IL15: variants seen among roughly 807,000 people sequenced by gnomAD.
The protein encoded by IL15 is interleukin-15.
A neutral mutation model predicts 19.6 loss-of-function variants in IL15; 11 were observed. The ratio of observed to expected loss-of-function variants is 0.56; its 90% confidence interval spans 0.35 to 0.93. IL15 has a LOEUF of 0.93. IL15 is among the 40% of genes least tolerant of loss of function. The probability of loss-of-function intolerance (pLI) is 0.01; values close to 1 mark genes in which losing one functional copy is unlikely to be tolerated. For synonymous variants in IL15, 58 were observed against 59.6 expected, an observed-to-expected ratio of 0.97 and a Z score of 0.12; for missense variants, 197 against 186.5, an observed-to-expected ratio of 1.06 and a Z score of -0.33.
chr4:141,678,186 G>A (rs150936056), intron 2 of IL15, among the ~76,000 whole-genome samples: 319 of 152,254 alleles, frequency 2.1e-3, no homozygotes, highest in African/African-American at 7.3e-3. Flanking sequence ...AAATGCATAC[G>A]TTAGGTTTTG....
chr4:141,676,653 G>C (rs1728360069), intron 2 of IL15, among the ~76,000 whole-genome samples: 1 of 152,152 alleles, frequency 6.6e-6, no homozygotes, highest in African/African-American at 2.4e-5. Context: ...AAGCCATGAA[G>C]GCCATTAGCC....
chr4:141,667,620 C>G (rs1445178304), intron 2 of IL15, among the ~76,000 whole-genome samples: 6 of 151,878 alleles, frequency 4.0e-5, no homozygotes, highest in Admixed American at 1.3e-4. Flanking sequence ...TCTTGTCTGG[C>G]CAGCAAGATT....
intron 2 of IL15, among the ~76,000 whole-genome samples, chr4:141,684,501 C>A (rs750634086): frequency 2.6e-5 from 4 of 152,168 alleles, no homozygotes; most frequent in African/African-American, 9.7e-5. Context: ...CAGATTCCTC[C>A]GTTTGGCTTT....
chr4:141,673,555 A>G (rs1195364548), intron 2 of IL15, among the ~76,000 whole-genome samples: 1 of 152,182 alleles, frequency 6.6e-6, no homozygotes, highest in Non-Finnish European at 1.5e-5. Flanking sequence ...TACCCTCTGA[A>G]ACAATAATGA....
chr4:141,702,389 A>T (rs909846651), intron 2 of IL15, among the ~76,000 whole-genome samples: 1 of 152,178 alleles, frequency 6.6e-6, no homozygotes, highest in African/African-American at 2.4e-5. Flanking sequence ...TCTGCAAAGG[A>T]TCCAGTGATG....
chr4:141,638,641 T>C (rs1451488240), intron 1 of IL15, among the ~76,000 whole-genome samples: 1 of 152,226 alleles, frequency 6.6e-6, no homozygotes, highest in Admixed American at 6.5e-5. Flanking sequence ...ACAATGTTTA[T>C]AAATTTCCTT....
At chr4:141,663,802 G>A (rs1473526359) in intron 2 of IL15, among the ~76,000 whole-genome samples, 1 of 152,200 alleles carries the variant, frequency 6.6e-6, no homozygotes, top group Non-Finnish European at 1.5e-5. Context: ...GACCTGCCTT[G>A]AGGAAGAGGG....
chr4:141,681,940 T>C (rs1728548495), intron 2 of IL15, among the ~76,000 whole-genome samples: 1 of 152,206 alleles, frequency 6.6e-6, no homozygotes, highest in Non-Finnish European at 1.5e-5. Flanking sequence ...CTTTCGGCAG[T>C]ATACTGTGGA....
intron 1 of IL15, among the ~76,000 whole-genome samples, chr4:141,652,352 G>C (rs1003872857): frequency 1.3e-5 from 2 of 152,074 alleles, no homozygotes; most frequent in African/African-American, 4.8e-5. Flanking sequence ...GATAAGTTCT[G>C]CTGTCCAATC....
chr4:141,648,364 G>A (rs1455459819), intron 1 of IL15, among the ~76,000 whole-genome samples: 1 of 152,022 alleles, frequency 6.6e-6, no homozygotes, highest in African/African-American at 2.4e-5. Flanking sequence ...AATTTGCAAA[G>A]TAAATGCTTC....
In IL15 at chr4:141,641,690, A is replaced by G. The variant is rs1325254000; in HGVS notation, c.-222+4942A>G. Among the ~76,000 whole-genome samples the G allele has an allele frequency of 3.6e-3, 359 of 98,918 alleles. 1 individual carries two copies. Among genetic ancestry groups the G allele is most frequent in the Middle Eastern group, 0.024 (4 of 164 alleles). The allele number at this position is 98,918 out of a possible 152,430, so 64.9% of individuals were successfully genotyped here. ...GGAACATCACACACCGGGGCCTGTC[A>G]TGGGGTGGGGGGAGGGGGGAGGGAT... On this transcript the variant is annotated intron_variant, in intron 1 of 7. Transcript: ENST00000320650.
intron 2 of IL15, among the ~76,000 whole-genome samples, chr4:141,713,751 G>C (rs1440606955): frequency 6.6e-6 from 1 of 152,044 alleles, no homozygotes; most frequent in East Asian, 1.9e-4. Context: ...TATGATTCAC[G>C]TAACACTACC....
intron 7 of IL15, among the ~76,000 whole-genome samples, chr4:141,731,404 TTAAA>T (rs1394282682): frequency 8.5e-5 from 13 of 152,232 alleles, no homozygotes; most frequent in Admixed American, 6.5e-5. Context: ...CTCATATATA[TTAAA>T]TACTTTACAT....
intron 2 of IL15, among the ~76,000 whole-genome samples, chr4:141,669,775 T>A (rs1313135362): frequency 2.0e-5 from 1 of 49,742 alleles, no homozygotes; most frequent in African/African-American, 1.4e-4. Flanking sequence ...TTATTCTTTG[T>A]ATTTTTTTTT....
At chr4:141,700,170 C>T (rs1729236447) in intron 2 of IL15, among the ~76,000 whole-genome samples, 1 of 152,118 alleles carries the variant, frequency 6.6e-6, no homozygotes, top group Admixed American at 6.5e-5. Context: ...CCATCTGCCT[C>T]AGCCCCTCAA....
intron 2 of IL15, among the ~76,000 whole-genome samples, chr4:141,694,113 T>C (rs559181515): frequency 7.8e-4 from 119 of 152,286 alleles, no homozygotes; most frequent in Admixed American, 1.5e-3. Context: ...AGTTTATCTA[T>C]GGTTGTAAAG....
intron 2 of IL15, among the ~76,000 whole-genome samples, chr4:141,686,023 G>A (rs1419734932): frequency 2.6e-5 from 4 of 152,100 alleles, no homozygotes; most frequent in Non-Finnish European, 5.9e-5. Flanking sequence ...TAGGCTGGGC[G>A]CAGTGGCTCA....
intron 2 of IL15, among the ~76,000 whole-genome samples, chr4:141,695,197 A>G (rs900316807): frequency 7.3e-6 from 1 of 137,712 alleles, no homozygotes; most frequent in Non-Finnish European, 1.5e-5. Flanking sequence ...TTAACTTTAT[A>G]CTCTTTGGCC....
chr4:141,666,426 G>A (rs1416597947), intron 2 of IL15, among the ~76,000 whole-genome samples: 8 of 152,054 alleles, frequency 5.3e-5, no homozygotes, highest in Non-Finnish European at 7.4e-5. Context: ...CACAATCTTG[G>A]CCCAGTGCAG....
Sources: allele counts gnomAD v4.1 joint callset (sites outside exome capture counted in the v4.1 genomes callset), GRCh38; gene constraint gnomAD v4.1.1; transcripts MANE v1.5; gene names NCBI Gene and HGNC (gene_info 2026-07-23, HGNC 2026-07-21).